Variants in RSU1 observed in about 807,000 individuals in gnomAD.
RSU1 encodes the protein Ras suppressor protein 1.
In RSU1, 26 loss-of-function variants were observed where a neutral mutation model predicts 31.1. The ratio of observed to expected loss-of-function variants is 0.84; its 90% CI spans 0.61 to 1.16. RSU1 has a LOEUF of 1.16. RSU1 is among the 50% of genes most tolerant of loss of function. RSU1 has a pLI of 0.00. For synonymous variants in RSU1, 164 were observed against 136.3 expected (o/e 1.20, Z -1.41); for missense variants, 320 against 339.1 (o/e 0.94, Z 0.44).
intron 8 of RSU1, among the ~76,000 whole-genome samples, chr10:16,687,695 G>A (rs1314175683): frequency 6.6e-6 from 1 of 151,924 alleles, no homozygotes; most frequent in Admixed American, 6.5e-5. Context: ...GAACAGTTGA[G>A]CAATTAAACA....
At chr10:16,752,453 G>C (rs1836997699) in intron 7 of RSU1, 86 bp downstream of exon 7, 1 of 940,396 alleles carries the variant, frequency 1.1e-6, no homozygotes, top group African/African-American at 1.6e-5. Flanking sequence ...TTGCCAAGAA[G>C]AGGACAGAGG....
chr10:16,786,859 C>A (rs1837802362), intron 2 of RSU1, among the ~76,000 whole-genome samples: 1 of 152,184 alleles, frequency 6.6e-6, no homozygotes, highest in Non-Finnish European at 1.5e-5. Context: ...GCTCTGTGCT[C>A]ATCTGCAAGG....
intron 8 of RSU1, among the ~76,000 whole-genome samples, chr10:16,676,489 T>G (rs1194332603): frequency 1.3e-5 from 2 of 152,112 alleles, no homozygotes; most frequent in Non-Finnish European, 2.9e-5. Flanking sequence ...CCACAACATG[T>G]GGGGATTATG....
intron 8 of RSU1, among the ~76,000 whole-genome samples, chr10:16,666,530 C>G (rs1834992289): frequency 6.6e-6 from 1 of 152,230 alleles, no homozygotes; most frequent in African/African-American, 2.4e-5. Flanking sequence ...GTAATCCCAG[C>G]ACTTTGGGAG....
chr10:16,802,620 T>A (rs57520154), intron 2 of RSU1, among the ~76,000 whole-genome samples: 7,433 of 152,152 alleles, frequency 0.049, 595 homozygotes, highest in African/African-American at 0.17. Flanking sequence ...ATCTCTCTCA[T>A]GGACATAGAT....
chr10:16,811,610 C>T (rs7905776), intron 2 of RSU1, among the ~76,000 whole-genome samples: 45,275 of 152,134 alleles, frequency 0.3, 8,980 homozygotes, highest in African/African-American at 0.57. Flanking sequence ...ATGCCATTAC[C>T]GATTCAGTCA....
intron 8 of RSU1, among the ~76,000 whole-genome samples, chr10:16,690,740 G>C (rs1277090489): frequency 6.6e-6 from 1 of 152,142 alleles, no homozygotes; most frequent in Admixed American, 6.5e-5. Flanking sequence ...GCCGATCATA[G>C]ACATGAATGA....
chr10:16,698,231 T>C (rs1486622121), intron 7 of RSU1, among the ~76,000 whole-genome samples: 1 of 152,018 alleles, frequency 6.6e-6, no homozygotes, highest in African/African-American at 2.4e-5. Flanking sequence ...GAGACTCCTC[T>C]TTTCTAGCCT....
chr10:16,807,386 T>TTA (rs1452038445), intron 2 of RSU1, among the ~76,000 whole-genome samples: 2 of 152,210 alleles, frequency 1.3e-5, no homozygotes, highest in Admixed American at 1.3e-4. Flanking sequence ...TACTTCAGGT[T>TTA]TATTCTATTT....
rs1363015030 is a variant in RSU1, at chr10:16,593,367, G to A, written c.*27C>T. ...GAAGTGTTGGAGAGAGAAGGTGCTG[G>A]AAGGCCAGCCGATGCCAATCCCTTC... is the stretch of plus-strand genomic sequence containing the variant. On this transcript the variant is annotated 3_prime_UTR_variant, in exon 9 of 9. Transcript: ENST00000345264. 2 of 1,614,036 alleles carry A rather than the reference G, an allele frequency of 1.2e-6. No individual in the cohort carries two copies.
chr10:16,787,711 A>C (rs1837823672), intron 2 of RSU1, among the ~76,000 whole-genome samples: 2 of 152,192 alleles, frequency 1.3e-5, no homozygotes, highest in South Asian at 4.1e-4. Flanking sequence ...CCCCCATGTA[A>C]GATGTCCCTT....
chr10:16,594,069 T>G (rs1176265622), intron 8 of RSU1, among the ~76,000 whole-genome samples: 2 of 152,366 alleles, frequency 1.3e-5, no homozygotes, highest in African/African-American at 4.8e-5. Flanking sequence ...CGAAGCTGGC[T>G]CCGTGGCTGA....
chr10:16,659,551 A>G (rs1003080249), intron 8 of RSU1, among the ~76,000 whole-genome samples: 3 of 152,114 alleles, frequency 2.0e-5, no homozygotes, highest in Non-Finnish European at 4.4e-5. Flanking sequence ...GTGTGCATAT[A>G]TGCATGAGAT....
At chr10:16,759,193 A>G (rs895609283) in intron 4 of RSU1, among the ~76,000 whole-genome samples, 1 of 152,150 alleles carries the variant, frequency 6.6e-6, no homozygotes, top group Non-Finnish European at 1.5e-5. Flanking sequence ...CACACTTATC[A>G]AAAATAAAAA....
intron 2 of RSU1, among the ~76,000 whole-genome samples, chr10:16,807,694 C>A (rs1466100040): frequency 2.0e-5 from 3 of 152,056 alleles, no homozygotes; most frequent in Non-Finnish European, 4.4e-5. Context: ...AGGGCTAGCC[C>A]AATAACACTA....
intron 8 of RSU1, among the ~76,000 whole-genome samples, chr10:16,637,654 A>G (rs1834367020): frequency 6.6e-6 from 1 of 152,156 alleles, no homozygotes; most frequent in Admixed American, 6.5e-5. Context: ...AACAGAGGGA[A>G]CACACAGATA....
At chr10:16,604,448 G>T (rs955705578) in intron 8 of RSU1, among the ~76,000 whole-genome samples, 2 of 151,976 alleles carry the variant, frequency 1.3e-5, no homozygotes, top group African/African-American at 4.8e-5. Flanking sequence ...TGCCTAGGAG[G>T]AATCACAGAA....
chr10:16,739,420 G>A (rs907645227), intron 7 of RSU1, among the ~76,000 whole-genome samples: 1 of 149,824 alleles, frequency 6.7e-6, no homozygotes, highest in Non-Finnish European at 1.5e-5. Flanking sequence ...GGTGTGAGAT[G>A]GTATCTCATT....
intron 8 of RSU1, among the ~76,000 whole-genome samples, chr10:16,648,483 G>A (rs1050789832): frequency 6.6e-5 from 10 of 152,106 alleles, no homozygotes; most frequent in African/African-American, 2.2e-4. Flanking sequence ...AGTTTGCTAC[G>A]AGCCTCCACA....
Sources: gnomAD v4.1 joint callset for allele counts (sites outside exome capture counted in the v4.1 genomes callset) on GRCh38, gnomAD v4.1.1 for gene constraint, MANE v1.5 for transcripts, NCBI Gene and HGNC (gene_info 2026-07-23, HGNC 2026-07-21) for gene names.